The following NR1I3 variants were observed in gnomAD, a reference collection of about 807,000 sequenced individuals.
NR1I3 encodes the protein nuclear receptor subfamily 1 group I member 3.
Under a neutral mutation model 38.4 loss-of-function variants are expected in NR1I3, and 30 were observed. The ratio of observed to expected loss-of-function variants is 0.78; its 90% CI spans 0.58 to 1.06. NR1I3 has a LOEUF of 1.06. Among genes scored for constraint, NR1I3 ranks in the 50% least tolerant of loss-of-function variants. NR1I3 has a pLI of 0.00. For missense variants in NR1I3, 388 were observed against 435.7 expected, an observed-to-expected ratio of 0.89 and a Z score of 0.97; for synonymous variants, 143 against 165.1, an observed-to-expected ratio of 0.87 and a Z score of 1.03.
At position 161,231,467 on chromosome 1, in the gene NR1I3, G is replaced by A. The variant is rs764443927; in HGVS notation, c.556C>T (p.Pro186Ser). The A allele has an allele frequency of 5.7e-6, 9 of 1,576,874 alleles. No homozygotes were observed. Among genetic ancestry groups the A allele is most frequent in the Non-Finnish European group, 7.7e-6 (9 of 1,171,186 alleles). The change falls in exon 6 of 9, where the codon CCC (proline) becomes TCC (serine). Residue 186 changes from proline (P) to serine (S), a missense_variant. Coordinates refer to ENST00000367983, the MANE Select transcript of NR1I3 (RefSeq NM_005122.5). ...TKDLPVFRSL[P>S]IEDQISLLKG... ...AGAAGGGAGATCTGGTCTTCAATGGGCAGGGAACTGTGGAAAGCAGGAAAC... is the reference window on the plus strand; with the variant it reads ...AGAAGGGAGATCTGGTCTTCAATGGACAGGGAACTGTGGAAAGCAGGAAAC...
intron 5 of NR1I3, 30 bp downstream of exon 5, chr1:161,232,777 C>A: frequency 6.2e-7 from 1 of 1,611,650 alleles, no homozygotes; most frequent in South Asian, 1.1e-5. Flanking sequence ...GAAGTGTTTG[C>A]CTCCTGAAAG....
chr1:161,232,313 T>A (rs926922227), intron 5 of NR1I3, among the ~76,000 whole-genome samples: 1 of 151,898 alleles, frequency 6.6e-6, no homozygotes, highest in Non-Finnish European at 1.5e-5. Context: ...GCTTTCATTT[T>A]TTGAGACAGA....
intron 3 of NR1I3, among the ~76,000 whole-genome samples, chr1:161,233,899 G>GTA (rs200372639): frequency 0.024 from 3,531 of 147,290 alleles, 138 homozygotes; most frequent in African/African-American, 0.086. Flanking sequence ...ATATGTGTGT[G>GTA]TATATATATG....
At chr1:161,233,470 C>G (rs1025398516) in intron 3 of NR1I3, 132 bp from the exon 4 acceptor site, 2 of 935,302 alleles carry the variant, frequency 2.1e-6, no homozygotes, top group Non-Finnish European at 1.6e-6. Context: ...ATTCCTGAGA[C>G]TTTCTTGGGC....
intron 3 of NR1I3, among the ~76,000 whole-genome samples, chr1:161,234,151 C>T (rs1267503551): frequency 6.6e-6 from 1 of 150,628 alleles, no homozygotes; most frequent in Non-Finnish European, 1.5e-5. Context: ...CACCATCACG[C>T]CCTGCTAATT....
At chr1:161,232,986 G>A (rs1241254112) in intron 4 of NR1I3, 40 bp from the exon 5 acceptor site, 2 of 1,611,278 alleles carry the variant, frequency 1.2e-6, no homozygotes, top group South Asian at 1.1e-5. Context: ...TCTGGCCCTA[G>A]GGCCCTCCTT....
chr1:161,230,867 A>G lies in NR1I3; in HGVS notation c.863T>C (p.Met288Thr). The G allele has an allele frequency of 6.2e-7, 1 of 1,614,136 alleles. No homozygotes were observed. The highest frequency in any genetic ancestry group is 2.2e-5 in the East Asian group (1 of 44,876). The change falls in exon 8 of 9, where the codon ATG (methionine) becomes ACG (threonine). Residue 288 changes from methionine to threonine, a missense_variant. Coordinates refer to ENST00000367983, the MANE Select transcript of NR1I3 (RefSeq NM_005122.5). ...RDEIDQLQEE[M>T]ALTLQSYIKG... The stretch of plus-strand genomic sequence containing the variant: ...GATGTAGCTTTGCAGAGTCAGTGCC[A>G]TCTCCTCTTGCAGCTGATCAATCTC...
chr1:161,236,136 AT>A (rs1668572035), intron 2 of NR1I3, 159 bp from the exon 3 acceptor site: 1 of 806,684 alleles, frequency 1.2e-6, no homozygotes, highest in Non-Finnish European at 1.9e-6. Context: ...CATCTCAAGC[AT>A]TTCCATGGCA....
chr1:161,232,711 T>A, intron 5 of NR1I3, 96 bp downstream of exon 5: 1 of 1,231,084 alleles, frequency 8.1e-7, no homozygotes. Flanking sequence ...TTGGAAAGGC[T>A]GACGCATGTG....
chr1:161,236,393 G>C (rs907375650), intron 2 of NR1I3, 66 bp downstream of exon 2: 24 of 1,589,558 alleles, frequency 1.5e-5, no homozygotes, highest in Non-Finnish European at 1.9e-5. Flanking sequence ...ACCAGCGAGG[G>C]TGTAAAGGCT....
At chr1:161,230,587 T>TAA in intron 8 of NR1I3, 2 of 554,414 alleles carry the variant, frequency 3.6e-6, no homozygotes, top group Non-Finnish European at 3.1e-6. Context: ...CTGTACTGAA[T>TAA]AAAAAAAAAA....
chr1:161,231,043 G>T, intron 7 of NR1I3, 74 bp downstream of exon 7: 1 of 1,613,216 alleles, frequency 6.2e-7, no homozygotes, highest in Non-Finnish European at 8.5e-7. Context: ...AGGCCTGGGT[G>T]GATGGACTCA....
intron 7 of NR1I3, 59 bp downstream of exon 7, chr1:161,231,058 G>A (rs755749914): frequency 6.2e-7 from 1 of 1,613,488 alleles, no homozygotes; most frequent in Non-Finnish European, 8.5e-7. Flanking sequence ...GACTCAAGGA[G>A]CTGAGTATTT....
At chr1:161,236,661 A>T in intron 1 of NR1I3, 63 bp from the exon 2 acceptor site, 2 of 1,532,246 alleles carry the variant, frequency 1.3e-6, no homozygotes, top group Non-Finnish European at 1.8e-6. Flanking sequence ...TGTCCCTTCT[A>T]GAGAGTCTCT....
In NR1I3 at chr1:161,232,791, AG is replaced by A. The variant is rs745951545; in HGVS notation, c.548+15del. 1.9e-6 allele frequency: 3 copies of A among 1,613,694 alleles called. No individual in the cohort carries two copies. Among genetic ancestry groups the A allele is most frequent in the Middle Eastern group, 1.6e-4 (1 of 6,062 alleles). ...TGAAGTGTTTGCCTCCTGAAAGATG[AG>A]GGGAGGTCACTCACCGGAAGACGGG... On this transcript the variant is annotated intron_variant, in intron 5 of 8. Transcript: ENST00000367983.
At chr1:161,229,993 C>T (rs1451582978) in intron 8 of NR1I3, 67 bp from the exon 9 acceptor site, 15 of 1,581,064 alleles carry the variant, frequency 9.5e-6, no homozygotes, top group Non-Finnish European at 1.3e-5. Context: ...AGTCTTGTCT[C>T]TAGGCCCTGA....
chr1:161,236,405 A>C, intron 2 of NR1I3, 54 bp downstream of exon 2: 1 of 1,606,512 alleles, frequency 6.2e-7, no homozygotes, highest in Non-Finnish European at 8.5e-7. Context: ...GTAAAGGCTG[A>C]CTAATAGGGA....
chr1:161,231,188 C>A lies in NR1I3; in HGVS notation c.740G>T (p.Gly247Val), dbSNP rs1372206633. The change falls in exon 7 of 9, where the codon GGA (glycine) becomes GTA (valine). Residue 247 changes from glycine (G) to valine (V), a missense_variant. Coordinates refer to ENST00000367983, the MANE Select transcript of NR1I3 (RefSeq NM_005122.5). Reference protein sequence around the residue: ...EFLELLFHFHGTLRKLQLQEP... With the variant: ...EFLELLFHFHVTLRKLQLQEP... ...TTGGAGCTGCAGTTTTCGTAGTGTT[C>A]CATGGAAGTGAAAGAGCAACTCCAA... 3 of 1,614,046 alleles carry A rather than the reference C, an allele frequency of 1.9e-6. No homozygotes were observed. Among genetic ancestry groups the A allele is most frequent in the Non-Finnish European group, 2.5e-6 (3 of 1,180,024 alleles).
chr1:161,233,666 C>T (rs887960624), intron 3 of NR1I3, among the ~76,000 whole-genome samples: 8 of 145,732 alleles, frequency 5.5e-5, no homozygotes, highest in African/African-American at 1.8e-4. Context: ...GTCTTCATAC[C>T]TAGAACATCA....
Sources: gnomAD v4.1 joint callset for allele counts (sites outside exome capture counted in the v4.1 genomes callset) on GRCh38, gnomAD v4.1.1 for gene constraint, MANE v1.5 for transcripts, NCBI Gene and HGNC (gene_info 2026-07-23, HGNC 2026-07-21) for gene names.